LRP1B: variants seen among roughly 807,000 people sequenced by gnomAD.
LRP1B encodes the protein LDL receptor related protein 1B.
A neutral mutation model predicts 556.6 loss-of-function variants in LRP1B; 217 were observed. The ratio of observed to expected loss-of-function variants is 0.39; its 90% confidence interval spans 0.35 to 0.44. The LOEUF (loss-of-function observed/expected upper bound fraction) is 0.44. Among genes scored for constraint, LRP1B ranks in the 20% least tolerant of loss-of-function variants. The pLI, the probability that LRP1B is intolerant of heterozygous loss-of-function variation, is 1.00. For synonymous variants in LRP1B, 2,047 were observed against 1,865.8 expected (o/e 1.10, Z -2.50); for missense variants, 5,053 against 5,620.8 (o/e 0.90, Z 3.23).
intron 2 of LRP1B, among the ~76,000 whole-genome samples, chr2:141,639,306 A>ATG (rs1558772141): frequency 1.3e-4 from 1 of 7,954 alleles, no homozygotes; most frequent in African/African-American, 5.9e-4. Context: ...TCATGTGTGT[A>ATG]TATATATATA....
chr2:141,939,253 C>T (rs548581124), intron 1 of LRP1B, among the ~76,000 whole-genome samples: 49 of 151,924 alleles, frequency 3.2e-4, no homozygotes, highest in African/African-American at 1.1e-3. Flanking sequence ...TGTATATATA[C>T]ACACACACAA....
chr2:140,798,350 T>G (rs1690388657), intron 32 of LRP1B, among the ~76,000 whole-genome samples: 1 of 152,082 alleles, frequency 6.6e-6, no homozygotes. Context: ...TAAATTACAT[T>G]TAAAAGAAAA....
intron 83 of LRP1B, among the ~76,000 whole-genome samples, chr2:140,301,027 C>G (rs973026497): frequency 2.6e-5 from 4 of 151,920 alleles, no homozygotes; most frequent in Admixed American, 6.6e-5. Flanking sequence ...TGTTTTATCT[C>G]TATTATTTAT....
At position 141,834,274 on chromosome 2, in the gene LRP1B, C is replaced by T. The variant is rs1227262661; in HGVS notation, c.83-23873G>A. ...ATGCTGCAGAACTTAATGAACACTT[C>T]GGAGAATGATGCAGAAATAGAAAAT... On this transcript the variant is annotated intron_variant, in intron 1 of 90. Transcript: ENST00000389484. Among the ~76,000 whole-genome samples, 14 of 151,640 alleles carry T rather than the reference C, an allele frequency of 9.2e-5. No individual in the cohort carries two copies. In the East Asian group the frequency reaches 9.7e-4, roughly 10 times the overall value.
intron 3 of LRP1B, among the ~76,000 whole-genome samples, chr2:141,340,860 A>C (rs1429298351): frequency 6.6e-6 from 1 of 152,266 alleles, no homozygotes; most frequent in East Asian, 1.9e-4. Context: ...ACAGAACAAC[A>C]AAAAACAATC....
chr2:140,850,346 A>C lies in LRP1B; in HGVS notation c.4712-17T>G, dbSNP rs1321579428. ...TTTTCATTTCTAAAAAAGAAATAGAAATTCTTTTCTCTTATGAAGTTGGCA... is the reference window on the plus strand; with the variant it reads ...TTTTCATTTCTAAAAAAGAAATAGACATTCTTTTCTCTTATGAAGTTGGCA... On this transcript the variant is annotated splice_polypyrimidine_tract_variant and intron_variant, in intron 28 of 90. Transcript: ENST00000389484. 2.0e-6 allele frequency: 3 copies of C among 1,493,420 alleles called. No homozygotes were observed. The highest frequency in any genetic ancestry group is 2.8e-6 in the Non-Finnish European group (3 of 1,085,820). 92.5% of individuals were successfully genotyped at this position (1,493,420 alleles called of 1,614,324 possible). A position where few individuals can be genotyped will look rare whatever the true frequency, so the allele number is the denominator to read the frequency against.
intron 84 of LRP1B, among the ~76,000 whole-genome samples, chr2:140,277,689 A>G (rs1313470711): frequency 4.6e-5 from 7 of 152,098 alleles, no homozygotes; most frequent in Admixed American, 2.6e-4. Context: ...CAAGGAGATG[A>G]AAATTAAATT....
chr2:140,722,930 C>G (rs1303479677), intron 35 of LRP1B, among the ~76,000 whole-genome samples: 1 of 152,076 alleles, frequency 6.6e-6, no homozygotes, highest in Non-Finnish European at 1.5e-5. Flanking sequence ...GTATTCCCAG[C>G]TACTCGGGAG....
intron 3 of LRP1B, among the ~76,000 whole-genome samples, chr2:141,280,270 C>A (rs1259421749): frequency 6.6e-6 from 1 of 152,014 alleles, no homozygotes; most frequent in Non-Finnish European, 1.5e-5. Context: ...AACAGTCCAG[C>A]TTCCATATGA....
Position 141,005,208 on chromosome 2 carries a change from G to T in LRP1B, c.2503+127C>A, listed in dbSNP as rs568291185. 13 of 1,050,128 alleles carry T rather than the reference G, an allele frequency of 1.2e-5. No individual in the cohort carries two copies. In the South Asian group the frequency reaches 1.6e-4, roughly 13 times the overall value. 65.1% of individuals were successfully genotyped at this position (1,050,128 alleles called of 1,614,324 possible). A position where few individuals can be genotyped will look rare whatever the true frequency, so the allele number is the denominator to read the frequency against. On this transcript the variant is annotated intron_variant, in intron 15 of 90. Transcript: ENST00000389484. ...CAGTTAATAATTTATAGTCTAAAAAGAATTATATCTAAATAATTATCTGAA... is the reference window on the plus strand; with the variant it reads ...CAGTTAATAATTTATAGTCTAAAAATAATTATATCTAAATAATTATCTGAA...
chr2:141,738,866 A>AG (rs1325290601), intron 2 of LRP1B, among the ~76,000 whole-genome samples: 2 of 152,182 alleles, frequency 1.3e-5, no homozygotes, highest in East Asian at 1.9e-4. Flanking sequence ...TTTGTAAAAA[A>AG]GCAAGAATAA....
intron 1 of LRP1B, among the ~76,000 whole-genome samples, chr2:141,828,137 A>G (rs1696997404): frequency 7.1e-6 from 1 of 141,830 alleles, no homozygotes; most frequent in Admixed American, 7.4e-5. Flanking sequence ...CTAATTCATT[A>G]TATGCATTTT....
At chr2:142,024,878 A>C (rs1325470395) in intron 1 of LRP1B, among the ~76,000 whole-genome samples, 1 of 152,100 alleles carries the variant, frequency 6.6e-6, no homozygotes, top group Non-Finnish European at 1.5e-5. Flanking sequence ...TTGATTATTC[A>C]AAAACTATTT....
chr2:140,490,755 A>C (rs1266099767), intron 57 of LRP1B, among the ~76,000 whole-genome samples: 1 of 152,142 alleles, frequency 6.6e-6, no homozygotes, highest in African/African-American at 2.4e-5. Context: ...CCCATAGGCA[A>C]AACTGGGCAG....
intron 18 of LRP1B, 34 bp downstream of exon 18, chr2:140,982,126 T>C (rs1696787797): frequency 6.6e-7 from 1 of 1,513,512 alleles, no homozygotes; most frequent in African/African-American, 1.4e-5. Flanking sequence ...TCTGACACAA[T>C]CTGTAATAAT....
In LRP1B at chr2:140,798,116, A is replaced by G. The variant is rs1690381177; in HGVS notation, c.5359+15541T>C. Among the ~76,000 whole-genome samples the G allele has an allele frequency of 2.0e-5, 3 of 152,164 alleles. 1 individual carries two copies. The highest frequency in any genetic ancestry group is 4.2e-4 in the South Asian group (2 of 4,818). On this transcript the variant is annotated intron_variant, in intron 32 of 90. Transcript: ENST00000389484. ...ATAAACTTGATTTGTTTATTTGCTT[A>G]TATGCTATTTTCCCCCACTGGGAAT...
chr2:141,205,694 G>A (rs928290143), intron 6 of LRP1B, among the ~76,000 whole-genome samples: 2 of 151,718 alleles, frequency 1.3e-5, no homozygotes, highest in Non-Finnish European at 2.9e-5. Flanking sequence ...TACTCAAGCT[G>A]TAAAACAGTA....
intron 66 of LRP1B, among the ~76,000 whole-genome samples, chr2:140,403,734 C>T (rs1215104261): frequency 6.6e-6 from 1 of 152,052 alleles, no homozygotes; most frequent in Non-Finnish European, 1.5e-5. Context: ...TTTCCCTGGC[C>T]TTGCTAGAGA....
chr2:141,530,566 A>C (rs1283673050), intron 2 of LRP1B, among the ~76,000 whole-genome samples: 2 of 152,136 alleles, frequency 1.3e-5, no homozygotes, highest in African/African-American at 4.8e-5. Context: ...ACCTATTCTC[A>C]TGAGAAAATA....
Sources: gnomAD v4.1 joint callset for allele counts (sites outside exome capture counted in the v4.1 genomes callset) on GRCh38, gnomAD v4.1.1 for gene constraint, MANE v1.5 for transcripts, NCBI Gene and HGNC (gene_info 2026-07-23, HGNC 2026-07-21) for gene names.